GCFC2: variants seen among roughly 807,000 people sequenced by gnomAD.
GCFC2 encodes GC-rich sequence DNA-binding factor 2, also known as intron Large complex component GCFC2.
Under a neutral mutation model 99.4 loss-of-function variants are expected in GCFC2, and 102 were observed. The observed-to-expected ratio is 1.03, with a 90% confidence interval of 0.87 to 1.21. The LOEUF is 1.21. Among genes scored for constraint, GCFC2 ranks in the 50% most tolerant of loss-of-function variants. The pLI, the probability that GCFC2 is intolerant of heterozygous loss-of-function variation, is 0.00. For missense variants in GCFC2, 973 were observed against 920.9 expected, an observed-to-expected ratio of 1.06 and a Z score of -0.73; for synonymous variants, 338 against 316.8, an observed-to-expected ratio of 1.07 and a Z score of -0.71.
intron 12 of GCFC2, 43 bp downstream of exon 12, chr2:75,680,150 T>C (rs1292017003): frequency 1.4e-6 from 2 of 1,427,052 alleles, no homozygotes; most frequent in African/African-American, 1.4e-5. Context: ...ATTATAATGA[T>C]TTAGAGATAG....
chr2:75,691,311 C>T, intron 7 of GCFC2, among the ~76,000 whole-genome samples: 1 of 151,990 alleles, frequency 6.6e-6, no homozygotes, highest in African/African-American at 2.4e-5. Context: ...TCTTATTGTA[C>T]TGTACTTATT....
chr2:75,703,783 G>A (rs1680714648), intron 2 of GCFC2, among the ~76,000 whole-genome samples: 1 of 152,190 alleles, frequency 6.6e-6, no homozygotes. Context: ...AGGCAGAGCT[G>A]AGCAGAAGTA....
In GCFC2 at chr2:75,710,875, G is replaced by C; in HGVS notation, c.-20C>G. ...AGCCATGGCCGAGGCCCGAGCGCCCGGCGCCCTAGAACCCGCTGAACCGCA... is the reference window on the plus strand; with the variant it reads ...AGCCATGGCCGAGGCCCGAGCGCCCCGCGCCCTAGAACCCGCTGAACCGCA... On this transcript the variant is annotated 5_prime_UTR_variant, in exon 1 of 17. Coordinates refer to ENST00000321027, the MANE Select transcript of GCFC2 (RefSeq NM_003203.5). 2.6e-6 allele frequency: 4 copies of C among 1,533,390 alleles called. No homozygotes were observed. The highest frequency in any genetic ancestry group is 3.5e-6 in the Non-Finnish European group (4 of 1,146,812). The allele number at this position is 1,533,390 out of a possible 1,614,324, so 95.0% of individuals were successfully genotyped here. A position where few individuals can be genotyped will look rare whatever the true frequency, so the allele number is the denominator to read the frequency against.
In GCFC2 at chr2:75,669,943, T is replaced by C; in HGVS notation, c.2103+195A>G. 7.8e-6 allele frequency: 3 copies of C among 382,460 alleles called. No homozygotes were observed. The South Asian group carries it at 1.2e-4, about 15-fold the overall frequency. 23.7% of individuals were successfully genotyped at this position (382,460 alleles called of 1,614,324 possible). A position where few individuals can be genotyped will look rare whatever the true frequency, so the allele number is the denominator to read the frequency against. On this transcript the variant is annotated intron_variant, in intron 15 of 16. Transcript: ENST00000321027. ...TTTCACCATGTTGGTGAGGCTGGTCTCAAACTCCTGACCTCACGCAATCCG... is the reference window on the plus strand; with the variant it reads ...TTTCACCATGTTGGTGAGGCTGGTCCCAAACTCCTGACCTCACGCAATCCG...
chr2:75,663,065 C>T lies in GCFC2; in HGVS notation c.*1601G>A, dbSNP rs1280147806. On this transcript the variant is annotated 3_prime_UTR_variant, in exon 17 of 17. Coordinates refer to ENST00000321027, the MANE Select transcript of GCFC2 (RefSeq NM_003203.5). The stretch of plus-strand genomic sequence containing the variant: ...CTAACTGCTTTTCAACAATAGTTTG[C>T]ATTTTCTAGATGAGATTCTATCCTT... 1 of 152,142 alleles carries T rather than the reference C, an allele frequency of 6.6e-6. No individual in the cohort carries two copies. Among genetic ancestry groups the T allele is most frequent in the Non-Finnish European group, 1.5e-5 (1 of 68,020 alleles). 9.4% of individuals were successfully genotyped at this position (152,142 alleles called of 1,614,324 possible).
upstream of GCFC2, among the ~76,000 whole-genome samples, chr2:75,711,966 G>A (rs1051890919): frequency 9.9e-5 from 15 of 152,248 alleles, no homozygotes; most frequent in African/African-American, 2.9e-4. Context: ...ACGAGCGCAC[G>A]GCGCCGGACT....
chr2:75,708,079 C>T lies in GCFC2; in HGVS notation c.266-1428G>A, dbSNP rs2422235. ...TGACTGAGTTGCAAGCTGAACTAGA[C>T]GTTGTTTTTAAGAAGCATCACCATT... On this transcript the variant is annotated intron_variant, in intron 1 of 16. Coordinates refer to ENST00000321027, the MANE Select transcript of GCFC2 (RefSeq NM_003203.5). Among the ~76,000 whole-genome samples the T allele has an allele frequency of 7.1e-3, 1,081 of 152,240 alleles. 49 individuals carry two copies. The highest frequency in any genetic ancestry group is 0.061 in the Admixed American group (934 of 15,282).
intron 5 of GCFC2, 78 bp from the exon 6 acceptor site, chr2:75,694,505 AC>A (rs1680220821): frequency 5.8e-6 from 3 of 520,500 alleles, no homozygotes; most frequent in Admixed American, 3.7e-5. Context: ...ATTTTCAAAG[AC>A]CACCAAGGAA....
chr2:75,707,481 A>G (rs1471931726), intron 1 of GCFC2, among the ~76,000 whole-genome samples: 1 of 152,226 alleles, frequency 6.6e-6, no homozygotes, highest in African/African-American at 2.4e-5. Flanking sequence ...CATACTACTC[A>G]TTAATTTTAA....
At chr2:75,678,738 T>C (rs1314217028) in intron 12 of GCFC2, among the ~76,000 whole-genome samples, 1 of 152,238 alleles carries the variant, frequency 6.6e-6, no homozygotes, top group Non-Finnish European at 1.5e-5. Context: ...ATTTTCTTCA[T>C]CTATAAAATG....
intron 12 of GCFC2, among the ~76,000 whole-genome samples, chr2:75,674,494 A>G (rs1679256072): frequency 1.3e-5 from 2 of 152,112 alleles, no homozygotes; most frequent in African/African-American, 4.8e-5. Context: ...TATTAGGATT[A>G]TAACTTTGAA....
In GCFC2 at chr2:75,705,616, C is replaced by CAAAAAA. The variant is rs34447327; in HGVS notation, c.394+901_394+906dup. On this transcript the variant is annotated intron_variant, in intron 2 of 16. Coordinates refer to ENST00000321027, the MANE Select transcript of GCFC2 (RefSeq NM_003203.5). ...TGGGCGACAGAGTGAGACTCCATCTCAAAAAAAAAAAAAAAAAAAAAGAAG... is the reference window on the plus strand; with the variant it reads ...TGGGCGACAGAGTGAGACTCCATCTCAAAAAAAAAAAAAAAAAAAAAAAAAAAGAAG... 1.4e-3 allele frequency among the ~76,000 whole-genome samples: 119 copies of CAAAAAA among 84,130 alleles called. 1 individual carries two copies. Among genetic ancestry groups the CAAAAAA allele is most frequent in the South Asian group, 5.0e-3 (10 of 1,998 alleles). 55.2% of individuals were successfully genotyped at this position (84,130 alleles called of 152,430 possible). A position where few individuals can be genotyped will look rare whatever the true frequency, so the allele number is the denominator to read the frequency against.
intron 4 of GCFC2, among the ~76,000 whole-genome samples, chr2:75,699,893 GTTGT>G (rs1264775483): frequency 6.8e-6 from 1 of 147,000 alleles, no homozygotes; most frequent in African/African-American, 2.5e-5. Context: ...GGGCTTTAAC[GTTGT>G]TTTTTTTTTT....
intron 2 of GCFC2, 26 bp downstream of exon 2, chr2:75,706,497 T>A (rs1680870064): frequency 7.4e-6 from 11 of 1,488,262 alleles, no homozygotes; most frequent in Non-Finnish European, 9.2e-6. Context: ...ATAAAATTCT[T>A]AACCAAAATC....
chr2:75,704,168 T>A (rs1223356286), intron 2 of GCFC2, among the ~76,000 whole-genome samples: 1 of 152,210 alleles, frequency 6.6e-6, no homozygotes, highest in Non-Finnish European at 1.5e-5. Flanking sequence ...TACATCATGT[T>A]TTTACAAATT....
At chr2:75,688,224 C>T (rs963490868) in intron 10 of GCFC2, among the ~76,000 whole-genome samples, 2 of 152,184 alleles carry the variant, frequency 1.3e-5, no homozygotes, top group Admixed American at 6.5e-5. Context: ...CACTCAACAA[C>T]TACCTAGTGT....
upstream of GCFC2, chr2:75,711,316 G>T: frequency 1.9e-6 from 1 of 525,752 alleles, no homozygotes; most frequent in Non-Finnish European, 2.4e-6. Context: ...GAGGCTCGGG[G>T]TAGGAGGAGA....
Position 75,664,794 on chromosome 2 carries a change from AAAC to A in GCFC2, c.2229-14_2229-12del, listed in dbSNP as rs1467891360. The A allele has an allele frequency of 7.8e-7, 1 of 1,276,748 alleles. No individual in the cohort carries two copies. The allele number at this position is 1,276,748 out of a possible 1,614,324, so 79.1% of individuals were successfully genotyped here. ...TCTTCGACTTCATCCCTGAAAAACAAAACAAATTTCTCCCTTTAAAAATGCAAT... is the reference window on the plus strand; with the variant it reads ...TCTTCGACTTCATCCCTGAAAAACAAAAATTTCTCCCTTTAAAAATGCAAT... On this transcript the variant is annotated splice_polypyrimidine_tract_variant and intron_variant, in intron 16 of 16. Transcript: ENST00000321027.
At chr2:75,665,567 C>CT (rs1368428162) in intron 16 of GCFC2, among the ~76,000 whole-genome samples, 1 of 152,212 alleles carries the variant, frequency 6.6e-6, no homozygotes, top group Non-Finnish European at 1.5e-5. Context: ...GAGCTAGCTA[C>CT]TGCTGGATAA....
Sources: gnomAD v4.1 joint callset for allele counts (sites outside exome capture counted in the v4.1 genomes callset) on GRCh38, gnomAD v4.1.1 for gene constraint, MANE v1.5 for transcripts, NCBI Gene and HGNC (gene_info 2026-07-23, HGNC 2026-07-21) for gene names.